ABCB11: variants seen among roughly 807,000 people sequenced by gnomAD.
The protein encoded by ABCB11 is bile salt export pump.
A neutral mutation model predicts 148.0 loss-of-function variants in ABCB11; 95 were observed. The ratio of observed to expected loss-of-function variants is 0.64; its 90% CI spans 0.54 to 0.76. The LOEUF is 0.76. Among genes scored for constraint, ABCB11 ranks in the 30% least tolerant of loss-of-function variants. The pLI, the probability that ABCB11 is intolerant of heterozygous loss-of-function variation, is 0.00. For synonymous variants in ABCB11, 591 were observed against 555.4 expected (o/e 1.06, Z -0.90); for missense variants, 1,523 against 1,617.8 (o/e 0.94, Z 1.01).
intron 1 of ABCB11, among the ~76,000 whole-genome samples, chr2:169,025,668 A>G (rs575683553): frequency 1.3e-5 from 2 of 152,292 alleles, no homozygotes; most frequent in South Asian, 2.1e-4. Context: ...CTTTCCGAAT[A>G]CCCCTACAAA....
At position 168,993,859 on chromosome 2, in the gene ABCB11, G is replaced by A. The variant is rs1258787148; in HGVS notation, c.635C>T (p.Ala212Val). The change falls in exon 8 of 28, where the codon GCC (alanine) becomes GTC (valine). Residue 212 changes from alanine to valine, a missense_variant. By Grantham distance (64) the Ala-to-Val change is moderately conservative (BLOSUM62 0). Coordinates refer to ENST00000650372, the MANE Select transcript of ABCB11 (RefSeq NM_003742.4). ...GAAAAGGGCCATTTGGTCAGCTATG[G>A]CATCATTGATTTTATTAATATCACT... ...FSDDINKIND[A>V]IADQMALFIQ... 3 of 1,608,900 alleles carry A rather than the reference G, an allele frequency of 1.9e-6. No individual in the cohort carries two copies. Among genetic ancestry groups the A allele is most frequent in the Non-Finnish European group, 8.5e-7 (1 of 1,177,754 alleles).
In ABCB11 at chr2:168,930,705, T is replaced by C. The variant is rs779530257; in HGVS notation, c.3371A>G (p.Gln1124Arg). 6.3e-7 allele frequency: 1 copy of C among 1,584,364 alleles called. No individual in the cohort carries two copies. Among genetic ancestry groups the C allele is most frequent in the Admixed American group, 1.7e-5 (1 of 58,614 alleles). ...AGGATCATAGAAACGTTCCAACAGC[T>C]GAATGCTAGTGCTTTTGCCACATCC... ...SSGCGKSTSI[Q>R]LLERFYDPDQ... The change falls in exon 25 of 28, where the codon CAG (glutamine) becomes CGG (arginine). Residue 1124 changes from glutamine to arginine, a missense_variant. Gln to Arg is a conservative substitution (Grantham distance 43). Transcript: ENST00000650372.
At position 168,921,859 on chromosome 2, in the gene ABCB11, TTTTC is replaced by T. The variant is rs1189513968; in HGVS notation, c.*1759_*1762del. On this transcript the variant is annotated 3_prime_UTR_variant, in exon 28 of 28. Coordinates refer to ENST00000650372, the MANE Select transcript of ABCB11 (RefSeq NM_003742.4). ...AGTCCTTGACCTCTTTTCTTTTTCT[TTTTC>T]TTTTTTTTTTTTTTTCGCTCTGTCG... Among the ~76,000 whole-genome samples the T allele has an allele frequency of 1.4e-5, 2 of 141,846 alleles. No homozygotes were observed. The highest frequency in any genetic ancestry group is 5.9e-5 in the African/African-American group (2 of 33,782). The allele number at this position is 141,846 out of a possible 152,430, so 93.1% of individuals were successfully genotyped here.
At chr2:168,976,415 C>T (rs1052117537) in intron 12 of ABCB11, among the ~76,000 whole-genome samples, 162 bp downstream of exon 12, 4 of 152,122 alleles carry the variant, frequency 2.6e-5, no homozygotes, top group African/African-American at 9.7e-5. Flanking sequence ...GGTCTGTTGC[C>T]TGAGATAAGC....
chr2:168,917,728 C>G (rs1367974684), downstream of ABCB11, among the ~76,000 whole-genome samples: 1 of 152,136 alleles, frequency 6.6e-6, no homozygotes, highest in African/African-American at 2.4e-5. Flanking sequence ...AATGGAGAAG[C>G]TGGGCTCATG....
chr2:168,951,092 G>A (rs1008347913), intron 19 of ABCB11, among the ~76,000 whole-genome samples: 4 of 151,558 alleles, frequency 2.6e-5, no homozygotes, highest in Non-Finnish European at 4.4e-5. Flanking sequence ...TTTTAGGTAT[G>A]TGGCTTTGTT....
At chr2:168,979,112 G>A (rs757480634) in intron 11 of ABCB11, among the ~76,000 whole-genome samples, 4 of 152,124 alleles carry the variant, frequency 2.6e-5, no homozygotes, top group South Asian at 2.1e-4. Flanking sequence ...GAAGATAAGC[G>A]AATTTTATGG....
intron 1 of ABCB11, among the ~76,000 whole-genome samples, chr2:169,029,881 C>T (rs1695812992): frequency 1.4e-5 from 2 of 145,996 alleles, no homozygotes; most frequent in Admixed American, 6.8e-5. Context: ...GCTGGGACTA[C>T]AGGCGCCCGC....
At chr2:168,963,145 G>T (rs1246638493) in intron 18 of ABCB11, among the ~76,000 whole-genome samples, 1 of 151,730 alleles carries the variant, frequency 6.6e-6, no homozygotes, top group Non-Finnish European at 1.5e-5. Flanking sequence ...TAATGGATGT[G>T]CTTGTAATTT....
intron 5 of ABCB11, among the ~76,000 whole-genome samples, chr2:169,007,878 A>G (rs768162738): frequency 6.6e-6 from 1 of 152,244 alleles, no homozygotes; most frequent in African/African-American, 2.4e-5. Flanking sequence ...TGCAAATTGT[A>G]TCTCTGATAA....
intron 19 of ABCB11, among the ~76,000 whole-genome samples, chr2:168,953,432 T>C (rs779602649): frequency 3.3e-5 from 5 of 149,872 alleles, no homozygotes; most frequent in Non-Finnish European, 5.9e-5. Flanking sequence ...GTTGAATTTA[T>C]CATTACATAA....
chr2:168,969,997 C>T lies in ABCB11; in HGVS notation c.1809+48G>A, dbSNP rs772764155. The T allele has an allele frequency of 2.6e-6, 4 of 1,533,988 alleles. No individual in the cohort carries two copies. In the African/African-American group the frequency reaches 5.5e-5, roughly 21 times the overall value. ...AGGAGCTGCCTTTCCTGCAGCAGCA[C>T]AAGCATTTCCACATGGACCTGTAAA... On this transcript the variant is annotated intron_variant, in intron 15 of 27. Transcript: ENST00000650372.
At chr2:168,948,490 T>A (rs1392369146) in intron 19 of ABCB11, among the ~76,000 whole-genome samples, 1 of 122,728 alleles carries the variant, frequency 8.1e-6, no homozygotes, top group Non-Finnish European at 1.8e-5. Flanking sequence ...ATCTGTTGAA[T>A]GATGAGTGGG....
At chr2:168,940,516 G>A (rs992297671) in intron 21 of ABCB11, among the ~76,000 whole-genome samples, 3 of 152,108 alleles carry the variant, frequency 2.0e-5, no homozygotes, top group Middle Eastern at 3.4e-3. Context: ...AGCTTTGGGA[G>A]AAAAGTTGCT....
At chr2:168,994,387 T>C (rs1694648209) in intron 7 of ABCB11, among the ~76,000 whole-genome samples, 1 of 152,080 alleles carries the variant, frequency 6.6e-6, no homozygotes, top group Non-Finnish European at 1.5e-5. Flanking sequence ...ATAGGCAGTA[T>C]AGAGTAGTGG....
chr2:168,971,713 C>T, intron 14 of ABCB11, 134 bp downstream of exon 14: 1 of 769,704 alleles, frequency 1.3e-6, no homozygotes, highest in Non-Finnish European at 2.1e-6. Context: ...GGTACTTTTT[C>T]AGGCATGAAA....
At chr2:168,944,553 G>T in intron 21 of ABCB11, 52 bp downstream of exon 21, 2 of 1,517,324 alleles carry the variant, frequency 1.3e-6, no homozygotes, top group Non-Finnish European at 1.8e-6. Flanking sequence ...ATGCTCTAAT[G>T]AAAGAATGCC....
intron 21 of ABCB11, among the ~76,000 whole-genome samples, chr2:168,939,335 C>G (rs1186978976): frequency 6.6e-6 from 1 of 151,950 alleles, no homozygotes; most frequent in Admixed American, 6.6e-5. Context: ...CTATTACTCT[C>G]CAAAACATTT....
chr2:168,989,264 C>T (rs1397524305), intron 9 of ABCB11, among the ~76,000 whole-genome samples: 1 of 152,118 alleles, frequency 6.6e-6, no homozygotes, highest in Non-Finnish European at 1.5e-5. Context: ...TTATATCCTA[C>T]ATTTAAAACT....
Sources: allele counts gnomAD v4.1 joint callset (sites outside exome capture counted in the v4.1 genomes callset), GRCh38; gene constraint gnomAD v4.1.1; transcripts MANE v1.5; gene names NCBI Gene and HGNC (gene_info 2026-07-23, HGNC 2026-07-21).